ATP10B: variants seen among roughly 807,000 people sequenced by gnomAD.
The protein encoded by ATP10B is ATPase phospholipid transporting 10B (putative).
In ATP10B, 122 loss-of-function variants were observed where a neutral mutation model predicts 141.2. The observed-to-expected ratio is 0.86, with a 90% CI of 0.75 to 1.00. The LOEUF (loss-of-function observed/expected upper bound fraction) is 1.00, where lower values mean the gene tolerates loss of function less well. Among genes scored for constraint, ATP10B ranks in the 50% least tolerant of loss-of-function variants. The probability of loss-of-function intolerance (pLI) is 0.00; values close to 1 mark genes in which losing one functional copy is unlikely to be tolerated. For missense variants in ATP10B, 1,876 were observed against 1,825.3 expected, an observed-to-expected ratio of 1.03 and a Z score of -0.51; for synonymous variants, 685 against 692.0, an observed-to-expected ratio of 0.99 and a Z score of 0.16.
chr5:160,660,852 T>C (rs1169220639), intron 7 of ATP10B, among the ~76,000 whole-genome samples: 4 of 151,924 alleles, frequency 2.6e-5, no homozygotes, highest in African/African-American at 9.7e-5. Context: ...CAGAAAAACA[T>C]GTTAAATGGT....
At chr5:160,697,453 C>CA (rs751182883) in intron 3 of ATP10B, among the ~76,000 whole-genome samples, 11 of 152,082 alleles carry the variant, frequency 7.2e-5, no homozygotes, top group Non-Finnish European at 1.5e-4. Flanking sequence ...CTTATGAGCA[C>CA]AAAAAAGTGC....
rs1406354629 is a variant in ATP10B at position 160,670,566 on chromosome 5, A to C, written c.572T>G (p.Leu191Arg). 2 of 1,613,914 alleles carry C rather than the reference A, an allele frequency of 1.2e-6. No homozygotes were observed. Among genetic ancestry groups the C allele is most frequent in the South Asian group, 1.1e-5 (1 of 91,078 alleles). Residue 191 changes from leucine to arginine, a missense_variant, in exon 7 of 26, where the codon CTT becomes CGT. Leu to Arg is a moderately radical substitution (Grantham distance 102, BLOSUM62 -2). Transcript: ENST00000327245. Reference protein sequence around the residue: ...NEIVPADILLLFSSDPNGICH... With the variant: ...NEIVPADILLRFSSDPNGICH... ...TATCCCATTGGGGTCAGAGGAAAAAAGGAGGAGTATGTCTGCTGGGACAAT... is the reference window on the plus strand; with the variant it reads ...TATCCCATTGGGGTCAGAGGAAAAACGGAGGAGTATGTCTGCTGGGACAAT...
At chr5:160,837,421 G>A (rs1269662437) in intron 1 of ATP10B, among the ~76,000 whole-genome samples, 1 of 152,100 alleles carries the variant, frequency 6.6e-6, no homozygotes, top group East Asian at 1.9e-4. Context: ...TTAAATATTT[G>A]TTGAAATGAG....
intron 9 of ATP10B, 78 bp from the exon 10 acceptor site, chr5:160,640,670 C>T: frequency 6.5e-7 from 1 of 1,533,852 alleles, no homozygotes. Flanking sequence ...GCTCTTCTCA[C>T]AGGAGCTTAA....
Position 160,841,447 on chromosome 5 carries a change from G to A in ATP10B, c.-576+10494C>T, listed in dbSNP as rs114273213. On this transcript the variant is annotated intron_variant, in intron 1 of 25. Transcript: ENST00000327245. ...AACATTGGCTCCCATATGAGGTAGGGGAATGAAGCAGAAGAAATACAGGAG... is the reference window on the plus strand; with the variant it reads ...AACATTGGCTCCCATATGAGGTAGGAGAATGAAGCAGAAGAAATACAGGAG... Among the ~76,000 whole-genome samples the A allele has an allele frequency of 6.0e-3, 920 of 152,230 alleles. 13 individuals carry two copies. Among genetic ancestry groups the A allele is most frequent in the African/African-American group, 0.021 (872 of 41,548 alleles).
At chr5:160,743,180 C>T (rs1052101702) in intron 2 of ATP10B, among the ~76,000 whole-genome samples, 2 of 152,074 alleles carry the variant, frequency 1.3e-5, no homozygotes, top group East Asian at 3.9e-4. Context: ...GGAACTTGCC[C>T]ACAATCCTGA....
At chr5:160,834,191 G>A (rs1775280605) in intron 1 of ATP10B, among the ~76,000 whole-genome samples, 2 of 152,010 alleles carry the variant, frequency 1.3e-5, no homozygotes, top group South Asian at 2.1e-4. Flanking sequence ...CAGGTGTGGT[G>A]GTATAAGCCT....
At chr5:160,593,251 G>A (rs572715575) in intron 22 of ATP10B, among the ~76,000 whole-genome samples, 5 of 152,264 alleles carry the variant, frequency 3.3e-5, no homozygotes, top group South Asian at 4.1e-4. Flanking sequence ...AGCAGCATTC[G>A]CAGTTCACAA....
At chr5:160,604,521 C>T (rs1419872663) in intron 19 of ATP10B, among the ~76,000 whole-genome samples, 1 of 152,176 alleles carries the variant, frequency 6.6e-6, no homozygotes, top group East Asian at 1.9e-4. Flanking sequence ...CATATCAAGA[C>T]AACTGGACAG....
intron 22 of ATP10B, among the ~76,000 whole-genome samples, chr5:160,593,702 A>T (rs1005810236): frequency 1.4e-4 from 22 of 152,360 alleles, no homozygotes; most frequent in African/African-American, 5.1e-4. Context: ...TAACTAATAC[A>T]GAGAAGTGCT....
intron 1 of ATP10B, among the ~76,000 whole-genome samples, chr5:160,827,465 T>C (rs1178403705): frequency 6.6e-6 from 1 of 152,236 alleles, no homozygotes; most frequent in Non-Finnish European, 1.5e-5. Context: ...TTTCAAAAGG[T>C]GTCTGTTCAT....
chr5:160,882,618 T>C, the ATP10B span, among the ~76,000 whole-genome samples: 3 of 152,064 alleles, frequency 2.0e-5, no homozygotes, highest in African/African-American at 7.2e-5. Context: ...TGATTTCTTC[T>C]TTATAAAACC....
Position 160,686,149 on chromosome 5 carries a change from C to T in ATP10B, c.400G>A (p.Gly134Ser). ...IVLFVIMIKD[G>S]MEDFKRHRFD... Reference sequence around the variant, plus strand: ...CGGTGTCTCTTGAAGTCCTCCATGCCATCCTTGATCATGATGACGAACAGG... The same window carrying T: ...CGGTGTCTCTTGAAGTCCTCCATGCTATCCTTGATCATGATGACGAACAGG... The change falls in exon 6 of 26, where the codon GGC becomes AGC. Residue 134 changes from glycine to serine, a missense_variant. Gly to Ser is a moderately conservative substitution (Grantham distance 56, BLOSUM62 0). Coordinates refer to ENST00000327245, the MANE Select transcript of ATP10B (RefSeq NM_025153.3). 6.2e-7 allele frequency: 1 copy of T among 1,612,674 alleles called. No individual in the cohort carries two copies. Among genetic ancestry groups the T allele is most frequent in the South Asian group, 1.1e-5 (1 of 90,876 alleles).
chr5:160,794,391 C>T (rs72820508), intron 1 of ATP10B, among the ~76,000 whole-genome samples: 19,420 of 152,146 alleles, frequency 0.13, 1,339 homozygotes, highest in East Asian at 0.17. Flanking sequence ...AATCCAGGTC[C>T]GGCTTTTCTT....
intron 2 of ATP10B, among the ~76,000 whole-genome samples, chr5:160,752,293 T>G (rs758430111): frequency 2.6e-5 from 4 of 151,778 alleles, no homozygotes; most frequent in African/African-American, 9.7e-5. Flanking sequence ...GAGGTGAGCA[T>G]AGTGGATTAC....
chr5:160,688,558 A>G (rs535028939), intron 4 of ATP10B, among the ~76,000 whole-genome samples: 1 of 152,278 alleles, frequency 6.6e-6, no homozygotes, highest in East Asian at 1.9e-4. Flanking sequence ...TTCACCTTCA[A>G]CTGATCTCCA....
chr5:160,689,214 G>T (rs1763933244), intron 3 of ATP10B, among the ~76,000 whole-genome samples: 1 of 152,156 alleles, frequency 6.6e-6, no homozygotes. Context: ...ACTAGGTATT[G>T]ATGGAAAGTA....
the ATP10B span, among the ~76,000 whole-genome samples, chr5:160,878,357 C>T: frequency 6.6e-6 from 1 of 151,646 alleles, no homozygotes; most frequent in Non-Finnish European, 1.5e-5. Context: ...TGGATCCCTT[C>T]CTTACACCTT....
intron 15 of ATP10B, 81 bp downstream of exon 15, chr5:160,620,266 T>G: frequency 3.2e-4 from 475 of 1,504,968 alleles, no homozygotes; most frequent in Middle Eastern, 4.1e-4. Flanking sequence ...CACTACAACT[T>G]GAGCTTCTTA....
Sources: gnomAD v4.1 joint callset for allele counts (sites outside exome capture counted in the v4.1 genomes callset) on GRCh38, gnomAD v4.1.1 for gene constraint, MANE v1.5 for transcripts, NCBI Gene and HGNC (gene_info 2026-07-23, HGNC 2026-07-21) for gene names.